Variants in RUBCN observed in about 807,000 individuals in gnomAD.
The protein encoded by RUBCN is rubicon autophagy regulator.
RUBCN carries 74 observed loss-of-function variants against 113.2 expected under a neutral mutation model. The ratio of observed to expected loss-of-function variants is 0.65; its 90% CI spans 0.54 to 0.79. The LOEUF is 0.79. Among genes scored for constraint, RUBCN ranks in the 30% least tolerant of loss-of-function variants. RUBCN has a pLI of 0.00. For missense variants in RUBCN, 1,109 were observed against 1,251.7 expected (o/e 0.89, Z 1.72); for synonymous variants, 480 against 490.0 (o/e 0.98, Z 0.27).
At chr3:197,680,733 G>A (rs552533997) in intron 16 of RUBCN, among the ~76,000 whole-genome samples, 2 of 152,242 alleles carry the variant, frequency 1.3e-5, no homozygotes, top group East Asian at 3.9e-4. Context: ...TTTCTTACTC[G>A]ATACCCGATT....
chr3:197,725,315 A>G (rs1726610126), intron 1 of RUBCN, among the ~76,000 whole-genome samples: 1 of 151,842 alleles, frequency 6.6e-6, no homozygotes, highest in Admixed American at 6.6e-5. Context: ...CTGGCCATAT[A>G]TTTGCTGTTT....
chr3:197,694,448 C>T lies in RUBCN; in HGVS notation c.1611G>A (p.Gln537=). The T allele has an allele frequency of 6.2e-7, 1 of 1,614,224 alleles. No homozygotes were observed. The highest frequency in any genetic ancestry group is 8.5e-7 in the Non-Finnish European group (1 of 1,180,048). Residue 537 remains glutamine, a synonymous_variant, in exon 10 of 20, where the codon CAG becomes CAA. Coordinates refer to ENST00000296343, the MANE Select transcript of RUBCN (RefSeq NM_014687.4). ...DSDREIQELK[Q]KIRLRRQQIR... Reference sequence around the variant, plus strand: ...TTTGCTGGCGCCGAAGGCGGATCTTCTGCTTCAGCTCCTGGATCTCTCTAT... The same window carrying T: ...TTTGCTGGCGCCGAAGGCGGATCTTTTGCTTCAGCTCCTGGATCTCTCTAT...
Position 197,682,610 on chromosome 3 carries a change from C to T in RUBCN, c.1986G>A (p.Leu662=), listed in dbSNP as rs776694407. The change falls in exon 14 of 20, where the codon CTG becomes CTA. Residue 662 remains leucine (L), a synonymous_variant. Transcript: ENST00000296343. ...VPEHDAPQKL[L]PIPDSLPISP... is the part of the protein sequence containing the mutation. ...AGATGGGCAGTGAGTCAGGAATGGG[C>T]AGGAGCTGCAGGAGGAAAGCACAGT... The T allele has an allele frequency of 1.2e-5, 20 of 1,613,676 alleles. No homozygotes were observed. The highest frequency in any genetic ancestry group is 1.2e-4 in the South Asian group (11 of 91,078).
At chr3:197,721,373 C>T (rs1010056991) in intron 1 of RUBCN, among the ~76,000 whole-genome samples, 1 of 152,152 alleles carries the variant, frequency 6.6e-6, no homozygotes, top group African/African-American at 2.4e-5. Context: ...TTCACTTCTT[C>T]TAGGTTTTCC....
At chr3:197,721,103 G>T (rs893000453) in intron 1 of RUBCN, among the ~76,000 whole-genome samples, 1 of 152,074 alleles carries the variant, frequency 6.6e-6, no homozygotes, top group Non-Finnish European at 1.5e-5. Context: ...TGTAGCTTTG[G>T]TATCATGATA....
At chr3:197,719,990 C>T (rs1725967020) in intron 1 of RUBCN, among the ~76,000 whole-genome samples, 2 of 152,144 alleles carry the variant, frequency 1.3e-5, no homozygotes, top group African/African-American at 4.8e-5. Context: ...TGCTGTTAAC[C>T]CTCGTCATCT....
upstream of RUBCN, chr3:197,749,816 G>C: frequency 2.1e-6 from 1 of 481,272 alleles, no homozygotes; most frequent in Non-Finnish European, 3.6e-6. Context: ...GCGAGTGTCG[G>C]TGGCCCCGCC....
intron 1 of RUBCN, among the ~76,000 whole-genome samples, chr3:197,749,094 T>TAA (rs1268113518): frequency 6.6e-6 from 1 of 152,158 alleles, no homozygotes; most frequent in Non-Finnish European, 1.5e-5. Flanking sequence ...GAGAATGAGG[T>TAA]AAGAAGAGAG....
chr3:197,674,473 C>T lies in RUBCN; in HGVS notation c.*545G>A. 2.2e-6 allele frequency: 1 copy of T among 449,312 alleles called. No homozygotes were observed. 27.8% of individuals were successfully genotyped at this position (449,312 alleles called of 1,614,324 possible). ...GATTGTTCTGTGGCCCCCAAAATACCCAAATAAGTGGACGAAATGCCCATG... is the reference window on the plus strand; with the variant it reads ...GATTGTTCTGTGGCCCCCAAAATACTCAAATAAGTGGACGAAATGCCCATG... On this transcript the variant is annotated 3_prime_UTR_variant, in exon 20 of 20. Transcript: ENST00000296343.
rs570950359 is a variant in RUBCN, at chr3:197,684,314, G to T, written c.1787-97C>A. 1.6e-5 allele frequency: 14 copies of T among 899,790 alleles called. 1 individual carries two copies. The highest frequency in any genetic ancestry group is 2.9e-4 in the Middle Eastern group (1 of 3,496). 55.7% of individuals were successfully genotyped at this position (899,790 alleles called of 1,614,324 possible). ...AGGTGCTCCCAGCTAAGCTCTCAGGGTAACAGCCAGGTGCCACACTCTATG... is the reference window on the plus strand; with the variant it reads ...AGGTGCTCCCAGCTAAGCTCTCAGGTTAACAGCCAGGTGCCACACTCTATG... On this transcript the variant is annotated intron_variant, in intron 11 of 19. Transcript: ENST00000296343.
chr3:197,740,764 G>A (rs548450925), upstream of RUBCN, among the ~76,000 whole-genome samples: 2 of 151,986 alleles, frequency 1.3e-5, no homozygotes, highest in South Asian at 2.1e-4. Flanking sequence ...GGGATTACAG[G>A]TGCCCAACAC....
rs1401035767 is a variant in RUBCN at position 197,700,750 on chromosome 3, C to T, written c.1124G>A (p.Gly375Asp). 3.1e-6 allele frequency: 5 copies of T among 1,614,242 alleles called. No individual in the cohort carries two copies. Among genetic ancestry groups the T allele is most frequent in the Non-Finnish European group, 4.2e-6 (5 of 1,180,046 alleles). The change falls in exon 7 of 20, where the codon GGT becomes GAT. Residue 375 changes from glycine to aspartate, a missense_variant. Gly to Asp is a moderately conservative substitution (Grantham distance 94). Around this residue, in one of 3 missense-constraint regions of RUBCN, gnomAD observed 736 missense variants for 779.6 expected, o/e 0.94. Transcript: ENST00000296343. ...GACACTGGACAGCTGGCTCTCCCCA[C>T]CTCCTTCCTGGTCCCCTAAGGAAGA... ...AASSLGDQEG[G>D]GESQLSSVLR...
intron 11 of RUBCN, among the ~76,000 whole-genome samples, chr3:197,685,782 G>A (rs192172521): frequency 2.0e-5 from 3 of 152,282 alleles, no homozygotes; most frequent in Admixed American, 2.0e-4. Flanking sequence ...AGATCCCAGT[G>A]CACTGCTAGC....
At chr3:197,713,229 T>C (rs1383410306) in intron 2 of RUBCN, among the ~76,000 whole-genome samples, 1 of 152,228 alleles carries the variant, frequency 6.6e-6, no homozygotes, top group Admixed American at 6.5e-5. Flanking sequence ...GCAGCTTTCA[T>C]TTGAGATTCT....
rs759256916 is a variant in RUBCN, at chr3:197,674,577, C to A, written c.*441G>T. 4 of 501,874 alleles carry A rather than the reference C, an allele frequency of 8.0e-6. No homozygotes were observed. Among genetic ancestry groups the A allele is most frequent in the South Asian group, 6.0e-5 (4 of 66,864 alleles). The allele number at this position is 501,874 out of a possible 1,614,324, so 31.1% of individuals were successfully genotyped here. On this transcript the variant is annotated 3_prime_UTR_variant, in exon 20 of 20. Coordinates refer to ENST00000296343, the MANE Select transcript of RUBCN (RefSeq NM_014687.4). Reference sequence around the variant, plus strand: ...AGGACAGGGAGAGGGAAAACGCCATCCCCGTTTCAGCAGCAGGAGAGGTGG... The same window carrying A: ...AGGACAGGGAGAGGGAAAACGCCATACCCGTTTCAGCAGCAGGAGAGGTGG...
chr3:197,713,119 A>G (rs924151246), intron 2 of RUBCN, among the ~76,000 whole-genome samples: 2 of 152,200 alleles, frequency 1.3e-5, no homozygotes, highest in Non-Finnish European at 2.9e-5. Flanking sequence ...TCAGTCTCCC[A>G]AAGCGCTGGG....
At chr3:197,739,089 C>A (rs979578426), upstream of RUBCN, among the ~76,000 whole-genome samples, 1 of 151,596 alleles carries the variant, frequency 6.6e-6, no homozygotes, top group African/African-American at 2.4e-5. Flanking sequence ...TACAGGCATC[C>A]GCCACCACGC....
At chr3:197,749,231 T>C (rs986382290) in intron 1 of RUBCN, 1 of 1,015,106 alleles carries the variant, frequency 9.9e-7, no homozygotes, top group Admixed American at 5.2e-5. Context: ...TGCAAATGAA[T>C]TAGAAGAAAA....
chr3:197,701,648 GTCT>G, intron 6 of RUBCN, 57 bp downstream of exon 6: 3 of 1,540,574 alleles, frequency 1.9e-6, no homozygotes, highest in Non-Finnish European at 2.7e-6. Flanking sequence ...CAACCACAAA[GTCT>G]TCTTACTTTC....
Sources: allele counts gnomAD v4.1 joint callset (sites outside exome capture counted in the v4.1 genomes callset), GRCh38; gene constraint gnomAD v4.1.1; regional missense constraint gnomAD v4.1.1; transcripts MANE v1.5; gene names NCBI Gene and HGNC (gene_info 2026-07-23, HGNC 2026-07-21).